FSTL4: variants seen among roughly 807,000 people sequenced by gnomAD.
The protein encoded by FSTL4 is follistatin-related protein 4.
In FSTL4, 28 loss-of-function variants were observed where a neutral mutation model predicts 78.2. That is an observed-to-expected ratio of 0.36 (90% CI 0.27 to 0.49). The LOEUF is 0.49. Among genes scored for constraint, FSTL4 ranks in the 20% least tolerant of loss-of-function variants. The pLI is 0.98. For missense variants in FSTL4, 922 were observed against 1,084.9 expected (o/e 0.85, Z 2.11); for synonymous variants, 422 against 440.5 (o/e 0.96, Z 0.53).
chr5:133,201,544 T>C (rs1750319902), intron 15 of FSTL4, among the ~76,000 whole-genome samples: 1 of 152,240 alleles, frequency 6.6e-6, no homozygotes, highest in Non-Finnish European at 1.5e-5. Flanking sequence ...TCTTCACTTC[T>C]CTGATCCTCA....
the FSTL4 span, among the ~76,000 whole-genome samples, chr5:133,648,814 G>C: frequency 6.6e-6 from 1 of 151,996 alleles, no homozygotes; most frequent in Admixed American, 6.6e-5. Flanking sequence ...CCTACAATCA[G>C]CATCCCCCAC....
intron 3 of FSTL4, among the ~76,000 whole-genome samples, chr5:133,531,487 T>C (rs1184252217): frequency 2.0e-5 from 3 of 152,070 alleles, no homozygotes; most frequent in Admixed American, 6.5e-5. Context: ...GAGTGTGGAG[T>C]GTGGATCCCT....
At chr5:133,740,447 G>A in the FSTL4 span, among the ~76,000 whole-genome samples, 1 of 152,234 alleles carries the variant, frequency 6.6e-6, no homozygotes, top group East Asian at 1.9e-4. Flanking sequence ...CCCAGATAGT[G>A]TGTGCCAACC....
chr5:133,381,689 A>G (rs1755576257), intron 4 of FSTL4, among the ~76,000 whole-genome samples: 5 of 152,218 alleles, frequency 3.3e-5, no homozygotes, highest in South Asian at 4.1e-4. Flanking sequence ...TCTGTATGCC[A>G]TACGTCATAA....
chr5:133,525,182 C>T (rs1759065867), intron 3 of FSTL4, among the ~76,000 whole-genome samples: 1 of 152,174 alleles, frequency 6.6e-6, no homozygotes. Context: ...GCAAATGACC[C>T]TTGGCAGTCA....
intron 3 of FSTL4, among the ~76,000 whole-genome samples, chr5:133,503,383 G>T (rs1758541050): frequency 6.6e-6 from 1 of 152,122 alleles, no homozygotes; most frequent in African/African-American, 2.4e-5. Flanking sequence ...CAAACAAGCG[G>T]CTCACAAAAT....
intron 6 of FSTL4, among the ~76,000 whole-genome samples, chr5:133,303,671 G>T (rs985991885): frequency 6.6e-6 from 1 of 152,220 alleles, no homozygotes; most frequent in African/African-American, 2.4e-5. Context: ...TAGTGGTGGT[G>T]GGGTTCTGCA....
the FSTL4 span, among the ~76,000 whole-genome samples, chr5:133,740,166 G>A: frequency 2.6e-5 from 4 of 152,120 alleles, no homozygotes; most frequent in Non-Finnish European, 5.9e-5. Context: ...TTACAGGCAT[G>A]CACCACCACA....
the FSTL4 span, among the ~76,000 whole-genome samples, chr5:133,762,976 G>A: frequency 2.0e-5 from 3 of 152,154 alleles, no homozygotes; most frequent in Admixed American, 6.5e-5. Context: ...GAGCAGGATG[G>A]CACTAAGCCC....
the FSTL4 span, among the ~76,000 whole-genome samples, chr5:133,820,012 C>T: frequency 2.0e-5 from 3 of 152,190 alleles, no homozygotes; most frequent in East Asian, 1.9e-4. Context: ...CTATAGAAAA[C>T]GGCAGAAGGA....
At chr5:133,515,266 C>CCT (rs1435816919) in intron 3 of FSTL4, among the ~76,000 whole-genome samples, 1 of 152,046 alleles carries the variant, frequency 6.6e-6, no homozygotes, top group African/African-American at 2.4e-5. Flanking sequence ...GTGGCTCACA[C>CCT]CTGTAATGCC....
intron 11 of FSTL4, among the ~76,000 whole-genome samples, chr5:133,221,628 G>A (rs964851824): frequency 2.0e-5 from 3 of 152,072 alleles, no homozygotes; most frequent in Non-Finnish European, 2.9e-5. Context: ...GAGGCCACCC[G>A]TCTCTGTGCC....
chr5:133,503,388 CA>C (rs1758541161), intron 3 of FSTL4, among the ~76,000 whole-genome samples: 2 of 152,184 alleles, frequency 1.3e-5, no homozygotes. Context: ...AAGCGGCTCA[CA>C]AAATTCCTGC....
chr5:133,698,730 TA>T, the FSTL4 span, among the ~76,000 whole-genome samples: 1 of 152,218 alleles, frequency 6.6e-6, no homozygotes, highest in African/African-American at 2.4e-5. Context: ...AGGACCGTCC[TA>T]AAAGGCTCCT....
chr5:133,331,488 G>A (rs1754345590), intron 4 of FSTL4, among the ~76,000 whole-genome samples: 1 of 152,198 alleles, frequency 6.6e-6, no homozygotes, highest in African/African-American at 2.4e-5. Flanking sequence ...ACATTCACCT[G>A]CGGAAGGGGC....
chr5:133,437,803 TTTTTTTTAGTCAGTTTGGAG>T (rs1388033861), intron 3 of FSTL4, among the ~76,000 whole-genome samples: 1 of 152,154 alleles, frequency 6.6e-6, no homozygotes, highest in East Asian at 1.9e-4. Flanking sequence ...TAAATGGTTT[TTTTTTTTAGTCAGTTTGGAG>T]TCTTTGCATT....
At chr5:133,772,139 T>A in the FSTL4 span, among the ~76,000 whole-genome samples, 3 of 152,190 alleles carry the variant, frequency 2.0e-5, no homozygotes, top group East Asian at 5.8e-4. Flanking sequence ...ATATAATGCA[T>A]CTAGATGTCT....
intron 8 of FSTL4, among the ~76,000 whole-genome samples, chr5:133,231,762 C>T (rs1050035005): frequency 2.0e-5 from 3 of 152,122 alleles, no homozygotes; most frequent in Non-Finnish European, 4.4e-5. Context: ...AGGCTGGGTT[C>T]GAACTCCTGG....
the FSTL4 span, among the ~76,000 whole-genome samples, chr5:133,674,255 C>T: frequency 6.6e-6 from 1 of 152,088 alleles, no homozygotes; most frequent in Non-Finnish European, 1.5e-5. Flanking sequence ...GCCTTTCCAC[C>T]GAGTAAAATG....
Sources: gnomAD v4.1 joint callset for allele counts (sites outside exome capture counted in the v4.1 genomes callset) on GRCh38, gnomAD v4.1.1 for gene constraint, MANE v1.5 for transcripts, NCBI Gene and HGNC (gene_info 2026-07-23, HGNC 2026-07-21) for gene names.